ANKMY1: variants seen among roughly 807,000 people sequenced by gnomAD.
The protein encoded by ANKMY1 is ankyrin repeat and MYND domain containing 1.
A neutral mutation model predicts 102.0 loss-of-function variants in ANKMY1; 98 were observed. The observed-to-expected ratio is 0.96, with a 90% CI of 0.82 to 1.14. ANKMY1 has a LOEUF of 1.14. Ranked by LOEUF, ANKMY1 falls within the 50% of genes most tolerant of loss-of-function variation. The pLI is 0.00. For missense variants in ANKMY1, 1,330 were observed against 1,347.6 expected, an observed-to-expected ratio of 0.99 and a Z score of 0.20; for synonymous variants, 582 against 559.9, an observed-to-expected ratio of 1.04 and a Z score of -0.56.
chr2:240,498,502 G>C, intron 15 of ANKMY1, among the ~76,000 whole-genome samples: 1 of 105,050 alleles, frequency 9.5e-6, no homozygotes, highest in African/African-American at 3.4e-5. Context: ...GGGGGTGTGC[G>C]GGCAGCTGTG....
upstream of ANKMY1, chr2:240,560,955 G>T (rs1254360104): frequency 6.6e-7 from 1 of 1,520,782 alleles, no homozygotes; most frequent in Non-Finnish European, 8.7e-7. Flanking sequence ...CGCCATGGAG[G>T]CCGCGGTGCG....
At position 240,499,921 on chromosome 2, in the gene ANKMY1, C is replaced by T; in HGVS notation, c.2806+37G>A. ...CCCCAGGCACGAGGCCGGAACGCCG[C>T]CCTGTGGAGCAGAGCAGAGCAGGGC... is the stretch of plus-strand genomic sequence containing the variant. On this transcript the variant is annotated intron_variant, in intron 15 of 17. Transcript: ENST00000401804. This position sits in a 1 kb window ranked among gnomAD's most constrained non-coding sequence, Gnocchi z 4.2. 6.3e-7 allele frequency: 1 copy of T among 1,578,310 alleles called. No homozygotes were observed. Among genetic ancestry groups the T allele is most frequent in the Non-Finnish European group, 8.6e-7 (1 of 1,156,168 alleles).
chr2:240,556,676 G>C (rs1309936461), intron 2 of ANKMY1, among the ~76,000 whole-genome samples: 5 of 152,148 alleles, frequency 3.3e-5, no homozygotes, highest in Non-Finnish European at 7.3e-5. Flanking sequence ...TTCTTAACCT[G>C]TCTCTTCTCA....
At chr2:240,524,718 T>G (rs185331012) in intron 7 of ANKMY1, among the ~76,000 whole-genome samples, 135 of 152,396 alleles carry the variant, frequency 8.9e-4, no homozygotes, top group African/African-American at 2.6e-3. Flanking sequence ...ATGCTGCTTA[T>G]ATTGATCACA....
rs756021560 is a variant in ANKMY1, at chr2:240,499,968, C to T, written c.2796G>A (p.Leu932=). The T allele has an allele frequency of 8.7e-6, 14 of 1,612,134 alleles. No homozygotes were observed. Among genetic ancestry groups the T allele is most frequent in the Non-Finnish European group, 1.1e-5 (13 of 1,179,424 alleles). ...GGGCCCACTGCTCACCTCTCTTGCA[C>T]AGGTACAGCCACGTGGGGTCCCACT... ...ESQWDPTWLY[L]CKRAELIPSH... is the part of the protein sequence containing the mutation. Residue 932 remains leucine, a synonymous_variant, in exon 15 of 18, where the codon CTG becomes CTA. Transcript: ENST00000401804. This position sits in a 1 kb window ranked among gnomAD's most constrained non-coding sequence, Gnocchi z 4.2.
At chr2:240,477,674 A>G (rs1398103326), downstream of ANKMY1, among the ~76,000 whole-genome samples, 2 of 152,004 alleles carry the variant, frequency 1.3e-5, no homozygotes, top group African/African-American at 4.8e-5. Flanking sequence ...GGTATATGCC[A>G]CCTCCCCCAG....
At chr2:240,551,009 G>A (rs932177368) in intron 4 of ANKMY1, among the ~76,000 whole-genome samples, 4 of 152,176 alleles carry the variant, frequency 2.6e-5, no homozygotes, top group Non-Finnish European at 4.4e-5. Flanking sequence ...TAACTTTGGC[G>A]ATTGTGCCAC....
At chr2:240,537,880 T>C (rs1334397250) in intron 4 of ANKMY1, among the ~76,000 whole-genome samples, 1 of 152,218 alleles carries the variant, frequency 6.6e-6, no homozygotes, top group Non-Finnish European at 1.5e-5. Context: ...CATGTTCAAA[T>C]AAGGCAAACA....
At chr2:240,557,996 G>A (rs533392748), upstream of ANKMY1, 60 of 985,184 alleles carry the variant, frequency 6.1e-5, no homozygotes, top group South Asian at 2.5e-3. Context: ...TACGGAGAGC[G>A]TCGCGTTTCC....
chr2:240,512,223 C>T (rs2080344270), intron 10 of ANKMY1, among the ~76,000 whole-genome samples: 1 of 152,250 alleles, frequency 6.6e-6, no homozygotes, highest in African/African-American at 2.4e-5. Flanking sequence ...TGTGCCCTCC[C>T]CTCCCACGTC....
intron 15 of ANKMY1, among the ~76,000 whole-genome samples, chr2:240,484,935 C>A (rs1056881145): frequency 2.0e-5 from 3 of 152,018 alleles, no homozygotes; most frequent in Non-Finnish European, 4.4e-5. Context: ...ATGCAGCCAA[C>A]AAACATGAAA....
intron 4 of ANKMY1, among the ~76,000 whole-genome samples, chr2:240,548,618 T>C (rs899675519): frequency 3.3e-5 from 5 of 151,860 alleles, no homozygotes; most frequent in African/African-American, 4.8e-5. Flanking sequence ...GAAAACCCCA[T>C]TGTCTCAGCC....
In ANKMY1 at chr2:240,526,503, AGGGTCCAGCT is replaced by A. The variant is rs1406513122; in HGVS notation, c.954-68_954-59del. 81 of 1,606,416 alleles carry A rather than the reference AGGGTCCAGCT, an allele frequency of 5.0e-5. No individual in the cohort carries two copies. The East Asian group carries it at 1.4e-3, about 27-fold the overall frequency. On this transcript the variant is annotated intron_variant, in intron 5 of 17. Transcript: ENST00000401804. Reference sequence around the variant, plus strand: ...CCAGGTTCTGCACCTCCCACGAGAAAGGGTCCAGCTGGACCACCTCCCTCCAATGCCTCTC... The same window carrying A: ...CCAGGTTCTGCACCTCCCACGAGAAAGGACCACCTCCCTCCAATGCCTCTC...
intron 13 of ANKMY1, among the ~76,000 whole-genome samples, chr2:240,504,110 G>C (rs1024706329): frequency 2.6e-5 from 4 of 152,250 alleles, no homozygotes; most frequent in African/African-American, 9.6e-5. Context: ...GGAGTGCCCA[G>C]AGGAAGAGCC....
rs147970809 is a variant in ANKMY1, at chr2:240,525,690, G to A, written c.1330C>T (p.Pro444Ser). 34 of 1,613,880 alleles carry A rather than the reference G, an allele frequency of 2.1e-5. No homozygotes were observed. In the African/African-American group the frequency reaches 3.7e-4, roughly 18 times the overall value. Residue 444 changes from proline (P) to serine (S), a missense_variant, in exon 7 of 18, where the codon CCC (proline) becomes TCC (serine). Coordinates refer to ENST00000401804, the MANE Select transcript of ANKMY1 (RefSeq NM_001282771.3). ...GTGGCCACCGGGGGGCTTACCTGGG[G>A]CTCAGGTATGGTCCGTTCAGCAACA... Reference protein sequence around the residue: ...PNVAERTIPEPQEPPKFPVVP... With the variant: ...PNVAERTIPESQEPPKFPVVP...
intron 4 of ANKMY1, among the ~76,000 whole-genome samples, chr2:240,548,771 C>T (rs1430548131): frequency 8.7e-5 from 13 of 148,850 alleles, no homozygotes. Flanking sequence ...ACAATTGCTT[C>T]AAAGAGAATA....
the ANKMY1 span, among the ~76,000 whole-genome samples, chr2:240,470,286 C>T: frequency 3.3e-5 from 5 of 152,350 alleles, no homozygotes; most frequent in African/African-American, 9.6e-5. Flanking sequence ...CTCCAACAGA[C>T]AGCATGTGTC....
intron 15 of ANKMY1, among the ~76,000 whole-genome samples, chr2:240,485,943 GC>G (rs1291067991): frequency 6.6e-6 from 1 of 152,068 alleles, no homozygotes; most frequent in Non-Finnish European, 1.5e-5. Flanking sequence ...TATACTAACA[GC>G]AGTGAGATAT....
downstream of ANKMY1, among the ~76,000 whole-genome samples, chr2:240,475,266 A>T (rs1367586061): frequency 2.6e-5 from 4 of 152,188 alleles, no homozygotes; most frequent in Non-Finnish European, 5.9e-5. Context: ...AAATTCTAAA[A>T]GTTCCACCAA....
Sources: allele counts gnomAD v4.1 joint callset (sites outside exome capture counted in the v4.1 genomes callset), GRCh38; gene constraint gnomAD v4.1.1; non-coding constraint Gnocchi (gnomAD v3.1); transcripts MANE v1.5; gene names NCBI Gene and HGNC (gene_info 2026-07-23, HGNC 2026-07-21).